The following NRG4 variants were observed in gnomAD, a reference collection of about 807,000 sequenced individuals.
The protein encoded by NRG4 is pro-neuregulin-4, membrane-bound isoform.
Under a neutral mutation model 15.0 loss-of-function variants are expected in NRG4, and 10 were observed. The observed-to-expected ratio is 0.67, with a 90% CI of 0.41 to 1.13. The LOEUF is 1.13. Ranked by LOEUF, NRG4 falls within the 50% of genes most tolerant of loss-of-function variation. The pLI, the probability that NRG4 is intolerant of heterozygous loss-of-function variation, is 0.00. For missense variants in NRG4, 139 were observed against 140.2 expected, an observed-to-expected ratio of 0.99 and a Z score of 0.04; for synonymous variants, 41 against 50.1, an observed-to-expected ratio of 0.82 and a Z score of 0.77.
intron 3 of NRG4, among the ~76,000 whole-genome samples, chr15:76,001,439 T>C (rs958436844): frequency 2.0e-5 from 3 of 152,200 alleles, no homozygotes; most frequent in African/African-American, 7.2e-5. Flanking sequence ...CTTTTTCACA[T>C]TAAGTCTTCA....
intron 3 of NRG4, among the ~76,000 whole-genome samples, chr15:76,004,599 C>CA (rs550312663): frequency 0.058 from 3,446 of 59,526 alleles, 69 homozygotes; most frequent in Middle Eastern, 0.13. Context: ...AACTCCGTCT[C>CA]AAAAAAAAAA....
chr15:75,991,628 A>ATT (rs201392257), intron 3 of NRG4, among the ~76,000 whole-genome samples: 34 of 145,296 alleles, frequency 2.3e-4, no homozygotes, highest in Non-Finnish European at 3.6e-4. Flanking sequence ...TCCTTAGTGA[A>ATT]TTTTTTTTTT....
chr15:76,047,459 C>T lies in NRG4; in HGVS notation c.-105+4608G>A, dbSNP rs906753122. 8.6e-5 allele frequency among the ~76,000 whole-genome samples: 13 copies of T among 150,734 alleles called. 2 individuals are homozygous for T. Among genetic ancestry groups the T allele is most frequent in the African/African-American group, 3.0e-4 (12 of 40,362 alleles). ...ATCCATAAAAAAAAGAATAAAATCC[C>T]GTCATTTGCAGCAACATAGATGAAT... On this transcript the variant is annotated intron_variant, in intron 4 of 8. Coordinates refer to the NRG4 transcript ENST00000563910.
At chr15:75,945,139 A>T (rs1166926095) in intron 5 of NRG4, among the ~76,000 whole-genome samples, 1 of 152,152 alleles carries the variant, frequency 6.6e-6, no homozygotes, top group Non-Finnish European at 1.5e-5. Context: ...TCAAGATCTA[A>T]TGGCAGGATT....
chr15:76,001,105 C>T (rs1435720287), intron 3 of NRG4, among the ~76,000 whole-genome samples: 1 of 151,952 alleles, frequency 6.6e-6, no homozygotes, highest in Non-Finnish European at 1.5e-5. Context: ...CCCACTTTAG[C>T]CTCCTGAGTA....
At chr15:76,056,883 A>G (rs909747233) in intron 2 of NRG4, 1 of 152,204 alleles carries the variant, frequency 6.6e-6, no homozygotes, top group Non-Finnish European at 1.5e-5. Flanking sequence ...TACATGTACA[A>G]ATTTTCCATT....
intron 4 of NRG4, among the ~76,000 whole-genome samples, chr15:76,039,803 G>A (rs58717562): frequency 0.037 from 5,620 of 152,174 alleles, 180 homozygotes; most frequent in African/African-American, 0.085. Flanking sequence ...CACTTTGGGA[G>A]GCTAAAGCCT....
intron 3 of NRG4, among the ~76,000 whole-genome samples, chr15:75,963,515 C>T (rs997893314): frequency 6.6e-6 from 1 of 152,002 alleles, no homozygotes; most frequent in African/African-American, 2.4e-5. Flanking sequence ...CATGGTGGCT[C>T]ACGCTTGTAA....
chr15:75,944,385 C>T (rs1447904360), intron 5 of NRG4, among the ~76,000 whole-genome samples: 1 of 152,144 alleles, frequency 6.6e-6, no homozygotes, highest in Non-Finnish European at 1.5e-5. Flanking sequence ...GTGTTGTCAG[C>T]ATTAGGGCAT....
chr15:76,057,471 C>T (rs1231786461), intron 1 of NRG4, among the ~76,000 whole-genome samples: 1 of 152,162 alleles, frequency 6.6e-6, no homozygotes, highest in Non-Finnish European at 1.5e-5. Context: ...TAATCCTCCT[C>T]CGGTGTTAGG....
chr15:75,937,534 C>CAAAAAAAAAAAAAAAA (rs2030495942), downstream of NRG4: 1 of 116,298 alleles, frequency 8.6e-6, no homozygotes. Flanking sequence ...AAAAAAAAAG[C>CAAAAAAAAAAAAAAAA]AACTGTCTGA....
At chr15:75,962,959 G>C (rs538094648) in intron 3 of NRG4, among the ~76,000 whole-genome samples, 7 of 152,232 alleles carry the variant, frequency 4.6e-5, no homozygotes, top group African/African-American at 1.7e-4. Context: ...TTCCTTTCCA[G>C]TTTAGGTAGG....
intron 3 of NRG4, among the ~76,000 whole-genome samples, chr15:75,985,714 A>G (rs1375174326): frequency 6.6e-6 from 1 of 152,120 alleles, no homozygotes; most frequent in Non-Finnish European, 1.5e-5. Flanking sequence ...TGCTCTGTCA[A>G]CTCTATTCTC....
chr15:76,052,533 T>A (rs1473147974), intron 3 of NRG4, among the ~76,000 whole-genome samples: 2 of 151,124 alleles, frequency 1.3e-5, no homozygotes. Context: ...ATTTCTTTTA[T>A]TATGAAAGCC....
rs528716708 is a variant in NRG4, at chr15:76,008,096, T to C, written c.104+1104A>G. Among the ~76,000 whole-genome samples, 8 of 152,306 alleles carry C rather than the reference T, an allele frequency of 5.3e-5. No homozygotes were observed. The East Asian group carries it at 1.5e-3, about 29-fold the overall frequency. On this transcript the variant is annotated intron_variant, in intron 3 of 5. Coordinates refer to ENST00000394907, the MANE Select transcript of NRG4 (RefSeq NM_138573.4). Reference sequence around the variant, plus strand: ...AGGTACAAACACTTGTCAAAATTAATCCATTTTGCACTTTAAATGAATGCA... The same window carrying C: ...AGGTACAAACACTTGTCAAAATTAACCCATTTTGCACTTTAAATGAATGCA...
intron 5 of NRG4, among the ~76,000 whole-genome samples, chr15:76,034,015 C>A (rs771572018): frequency 2.0e-5 from 3 of 152,206 alleles, no homozygotes; most frequent in Non-Finnish European, 4.4e-5. Context: ...ATACACACTT[C>A]TTCTCACACC....
At chr15:76,052,719 C>A (rs1397084744) in intron 3 of NRG4, among the ~76,000 whole-genome samples, 2 of 150,950 alleles carry the variant, frequency 1.3e-5, no homozygotes, top group East Asian at 3.8e-4. Flanking sequence ...AGAGCTTTTA[C>A]TTTATATGGC....
upstream of NRG4, among the ~76,000 whole-genome samples, chr15:76,017,155 CTTTTTTTTTTTTTT>C (rs66838505): frequency 1.9e-5 from 1 of 52,302 alleles, no homozygotes; most frequent in Non-Finnish European, 4.0e-5. Context: ...CAACCCCTGC[CTTTTTTTTTTTTTT>C]TTTTTTTTGC....
intron 4 of NRG4, among the ~76,000 whole-genome samples, chr15:76,045,067 A>G (rs1957279166): frequency 6.6e-6 from 1 of 150,912 alleles, no homozygotes; most frequent in Admixed American, 6.6e-5. Context: ...TAACCAGAAT[A>G]TATAAGGAGT....
Sources: gnomAD v4.1 joint callset for allele counts (sites outside exome capture counted in the v4.1 genomes callset) on GRCh38, gnomAD v4.1.1 for gene constraint, MANE v1.5 for transcripts, NCBI Gene and HGNC (gene_info 2026-07-23, HGNC 2026-07-21) for gene names.